Variants in HTR1E observed in about 807,000 individuals in gnomAD.
HTR1E encodes 5-hydroxytryptamine receptor 1E.
HTR1E carries 3 observed loss-of-function variants against 3.4 expected under a neutral mutation model. That is an observed-to-expected ratio of 0.89 (90% confidence interval 0.41 to 2.31). The LOEUF (loss-of-function observed/expected upper bound fraction) is 2.31. Among genes scored for constraint, HTR1E ranks in the 30% most tolerant of loss-of-function variants. The pLI, the probability that HTR1E is intolerant of heterozygous loss-of-function variation, is 0.05. For missense variants in HTR1E, 392 were observed against 467.0 expected (o/e 0.84, Z 1.48); for synonymous variants, 170 against 182.8 (o/e 0.93, Z 0.56).
intron 1 of HTR1E, among the ~76,000 whole-genome samples, chr6:86,967,722 T>C (rs1218577696): frequency 1.3e-5 from 2 of 152,212 alleles, no homozygotes; most frequent in Non-Finnish European, 2.9e-5. Flanking sequence ...ATTATAATAG[T>C]ATTAATAATA....
chr6:86,965,651 C>T (rs1416271998), intron 1 of HTR1E, among the ~76,000 whole-genome samples: 1 of 152,088 alleles, frequency 6.6e-6, no homozygotes, highest in Non-Finnish European at 1.5e-5. Context: ...CAGGGGTCTA[C>T]ATACACACAC....
chr6:86,983,774 C>T (rs185818159), intron 1 of HTR1E, among the ~76,000 whole-genome samples: 142 of 152,194 alleles, frequency 9.3e-4, no homozygotes, highest in Non-Finnish European at 6.9e-4. Context: ...ATCACATGTA[C>T]CCCATAAATA....
chr6:86,982,304 A>G (rs1382801590), intron 1 of HTR1E, among the ~76,000 whole-genome samples: 1 of 152,244 alleles, frequency 6.6e-6, no homozygotes, highest in Non-Finnish European at 1.5e-5. Context: ...TGTGCTTTAG[A>G]TAATTTTATA....
At chr6:87,004,113 T>C (rs1313163876) in intron 1 of HTR1E, among the ~76,000 whole-genome samples, 1 of 152,150 alleles carries the variant, frequency 6.6e-6, no homozygotes, top group Non-Finnish European at 1.5e-5. Flanking sequence ...AAACCTGTAA[T>C]AAAAATTCTC....
chr6:86,969,815 G>A (rs1767524361), intron 1 of HTR1E, among the ~76,000 whole-genome samples: 3 of 152,182 alleles, frequency 2.0e-5, no homozygotes, highest in Non-Finnish European at 4.4e-5. Context: ...ACCCCAGTGA[G>A]TGGTTCAGGG....
intron 1 of HTR1E, among the ~76,000 whole-genome samples, chr6:87,007,702 G>A (rs746055886): frequency 2.0e-5 from 3 of 152,132 alleles, no homozygotes; most frequent in Non-Finnish European, 4.4e-5. Context: ...GTGGGAGGCC[G>A]AGGTGGTGGA....
chr6:86,978,487 A>G (rs1015589610), intron 1 of HTR1E, among the ~76,000 whole-genome samples: 8 of 152,218 alleles, frequency 5.3e-5, no homozygotes, highest in Admixed American at 5.2e-4. Context: ...CTAATGGAGC[A>G]GAAATATGGA....
chr6:86,981,696 A>G (rs1562066805), intron 1 of HTR1E, among the ~76,000 whole-genome samples: 1 of 152,206 alleles, frequency 6.6e-6, no homozygotes. Flanking sequence ...CGTATTTAAT[A>G]CCTACTGCAC....
intron 1 of HTR1E, among the ~76,000 whole-genome samples, chr6:86,975,003 T>C (rs1767609803): frequency 6.6e-6 from 1 of 152,240 alleles, no homozygotes; most frequent in Non-Finnish European, 1.5e-5. Context: ...CAAGGACTCC[T>C]GGTTCCCTGA....
At chr6:86,961,413 A>G (rs1767404779) in intron 1 of HTR1E, among the ~76,000 whole-genome samples, 1 of 152,246 alleles carries the variant, frequency 6.6e-6, no homozygotes, top group Non-Finnish European at 1.5e-5. Context: ...TCCCATTCTT[A>G]CACATCCCAT....
At chr6:86,995,543 G>T (rs1336006458) in intron 1 of HTR1E, among the ~76,000 whole-genome samples, 1 of 150,502 alleles carries the variant, frequency 6.6e-6, no homozygotes, top group Non-Finnish European at 1.5e-5. Context: ...ACAGGCACCT[G>T]TAATCCCAGC....
At chr6:86,960,102 T>TA (rs1355842315) in intron 1 of HTR1E, among the ~76,000 whole-genome samples, 1 of 152,218 alleles carries the variant, frequency 6.6e-6, no homozygotes, top group Non-Finnish European at 1.5e-5. Context: ...TGTGCTGCTT[T>TA]AACAGAATAG....
At chr6:86,963,294 G>A (rs953007503) in intron 1 of HTR1E, among the ~76,000 whole-genome samples, 1 of 152,170 alleles carries the variant, frequency 6.6e-6, no homozygotes, top group African/African-American at 2.4e-5. Flanking sequence ...GCTGTACAAT[G>A]TACACCACTG....
intron 1 of HTR1E, among the ~76,000 whole-genome samples, chr6:86,979,627 A>G (rs1238252735): frequency 1.3e-5 from 2 of 152,216 alleles, no homozygotes; most frequent in African/African-American, 4.8e-5. Flanking sequence ...TAAGACATGT[A>G]ATGACAATAT....
chr6:86,997,483 T>C (rs1045005882), intron 1 of HTR1E, among the ~76,000 whole-genome samples: 2 of 151,834 alleles, frequency 1.3e-5, no homozygotes, highest in Non-Finnish European at 3.0e-5. Context: ...AATAAGTTAG[T>C]TCAGCAAGGT....
chr6:86,969,230 T>C (rs80146392), intron 1 of HTR1E, among the ~76,000 whole-genome samples: 5,736 of 152,006 alleles, frequency 0.038, 224 homozygotes, highest in East Asian at 0.15. Context: ...AACAGCAATA[T>C]GCAGGAAGCA....
At chr6:86,962,950 T>C (rs564855127) in intron 1 of HTR1E, among the ~76,000 whole-genome samples, 1 of 152,368 alleles carries the variant, frequency 6.6e-6, no homozygotes, top group Non-Finnish European at 1.5e-5. Context: ...ACTATACTTT[T>C]ATTGTTATTT....
At chr6:86,977,276 G>A (rs190293503) in intron 1 of HTR1E, among the ~76,000 whole-genome samples, 65 of 152,294 alleles carry the variant, frequency 4.3e-4, no homozygotes, top group Non-Finnish European at 4.6e-4. Flanking sequence ...TTATAAGTGA[G>A]AACATATGGA....
At chr6:87,011,846 T>C (rs1464015020) in intron 1 of HTR1E, among the ~76,000 whole-genome samples, 6 of 151,974 alleles carry the variant, frequency 3.9e-5, no homozygotes, top group Non-Finnish European at 8.8e-5. Flanking sequence ...GAGCTTTTAA[T>C]AGGTGGCTGA....
Sources: gnomAD v4.1 joint callset for allele counts (sites outside exome capture counted in the v4.1 genomes callset) on GRCh38, gnomAD v4.1.1 for gene constraint, MANE v1.5 for transcripts, NCBI Gene and HGNC (gene_info 2026-07-23, HGNC 2026-07-21) for gene names.